Variants in CPS1 observed in about 807,000 individuals in gnomAD.
CPS1 encodes the protein carbamoyl-phosphate synthase 1.
Under a neutral mutation model 174.6 loss-of-function variants are expected in CPS1, and 109 were observed. The observed-to-expected ratio is 0.62, with a 90% CI of 0.53 to 0.73. The LOEUF (loss-of-function observed/expected upper bound fraction) is 0.73, where lower values mean the gene tolerates loss of function less well. Ranked by LOEUF, CPS1 falls within the 30% of genes least tolerant of loss-of-function variation. CPS1 has a pLI of 0.00. For synonymous variants in CPS1, 637 were observed against 632.0 expected (o/e 1.01, Z -0.12); for missense variants, 1,689 against 1,821.9 (o/e 0.93, Z 1.33).
rs1372055855 is a variant in CPS1, at chr2:210,586,177, T to G, written c.622-1881T>G. On this transcript the variant is annotated intron_variant, in intron 6 of 37. Coordinates refer to ENST00000233072, the MANE Select transcript of CPS1 (RefSeq NM_001875.5). ...ACAAGGATTTTGGGTTCCTAGAAAT[T>G]AGTACTGAGTCGTGATGTTCATGTC... Among the ~76,000 whole-genome samples the G allele has an allele frequency of 2.6e-5, 4 of 151,922 alleles. No individual in the cohort carries two copies. The Admixed American group carries it at 2.6e-4, about 10-fold the overall frequency.
At position 210,590,839 on chromosome 2, in the gene CPS1, A is replaced by T. The variant is rs369197253; in HGVS notation, c.880A>T (p.Ser294Cys). The T allele has an allele frequency of 3.1e-6, 5 of 1,611,204 alleles. No homozygotes were observed. The highest frequency in any genetic ancestry group is 2.7e-5 in the African/African-American group (2 of 74,750). ...TCGCAAGGAGCCATTGTTTGGAATCAGTACAGGAAACTTAATAACAGGATT... is the reference window on the plus strand; with the variant it reads ...TCGCAAGGAGCCATTGTTTGGAATCTGTACAGGAAACTTAATAACAGGATT... ...SDRKEPLFGI[S>C]TGNLITGLAA... The change falls in exon 9 of 38, where the codon AGT becomes TGT. Residue 294 changes from serine to cysteine, a missense_variant. Transcript: ENST00000233072.
At chr2:210,676,011 G>A (rs1333148328) in intron 36 of CPS1, among the ~76,000 whole-genome samples, 171 bp downstream of exon 36, 2 of 152,158 alleles carry the variant, frequency 1.3e-5, no homozygotes, top group African/African-American at 2.4e-5. Context: ...AATACATAAC[G>A]TCATGTGTAC....
At chr2:210,630,386 T>C (rs10804186) in intron 21 of CPS1, among the ~76,000 whole-genome samples, 71,356 of 151,990 alleles carry the variant, frequency 0.47, 17,159 homozygotes, top group Middle Eastern at 0.59. Flanking sequence ...AGGTTTCCTT[T>C]TTAATGTTGA....
At chr2:210,517,740 AT>A (rs1314873745) in intron 1 of CPS1, among the ~76,000 whole-genome samples, 2 of 151,850 alleles carry the variant, frequency 1.3e-5, no homozygotes, top group East Asian at 3.9e-4. Flanking sequence ...TAGCTTTTGA[AT>A]TTTTTTCCTA....
chr2:210,563,224 C>G (rs1697162990), intron 1 of CPS1, among the ~76,000 whole-genome samples: 2 of 152,068 alleles, frequency 1.3e-5, no homozygotes, highest in African/African-American at 4.8e-5. Flanking sequence ...TATTTTATTG[C>G]TTACTCAAGG....
At chr2:210,519,635 A>G in intron 1 of CPS1, 2 of 416,296 alleles carry the variant, frequency 4.8e-6, no homozygotes, top group Non-Finnish European at 6.4e-6. Context: ...TGGATTTTGA[A>G]CTTGAATTCC....
At chr2:210,623,600 T>A (rs1699607641) in intron 21 of CPS1, among the ~76,000 whole-genome samples, 1 of 152,106 alleles carries the variant, frequency 6.6e-6, no homozygotes, top group Non-Finnish European at 1.5e-5. Flanking sequence ...TGGTGAAAAA[T>A]CATAGGCGTG....
upstream of CPS1, chr2:210,555,560 A>T: frequency 2.2e-6 from 1 of 450,156 alleles, no homozygotes; most frequent in Non-Finnish European, 4.5e-6. Flanking sequence ...CTTTAAAAAA[A>T]TCCTTACCCC....
At chr2:210,593,777 A>G in intron 11 of CPS1, 1 of 585,268 alleles carries the variant, frequency 1.7e-6, no homozygotes, top group South Asian at 7.5e-5. Flanking sequence ...TCTTGTTTTA[A>G]TATTATTAGG....
intron 25 of CPS1, 35 bp downstream of exon 25, chr2:210,642,700 AAGAC>A: frequency 6.3e-7 from 1 of 1,582,928 alleles, no homozygotes; most frequent in Non-Finnish European, 8.7e-7. Context: ...AAGAAAAAAG[AAGAC>A]AGATATATGT....
chr2:210,641,183 A>G (rs369449676), intron 24 of CPS1, among the ~76,000 whole-genome samples: 25 of 152,176 alleles, frequency 1.6e-4, no homozygotes, highest in Admixed American at 5.2e-4. Flanking sequence ...ATGCAGTGGT[A>G]TGATCATGGC....
At chr2:210,666,118 T>C (rs1161543028) in intron 33 of CPS1, among the ~76,000 whole-genome samples, 2 of 152,066 alleles carry the variant, frequency 1.3e-5, no homozygotes, top group South Asian at 2.1e-4. Context: ...GCTGCATAAA[T>C]GTCTTCTTTT....
At chr2:210,539,151 A>G (rs548606889) in intron 1 of CPS1, among the ~76,000 whole-genome samples, 31 of 152,330 alleles carry the variant, frequency 2.0e-4, no homozygotes, top group African/African-American at 6.0e-4. Flanking sequence ...CCACATATGT[A>G]AAATGGGAAT....
chr2:210,638,124 C>T (rs1700094879), intron 22 of CPS1, among the ~76,000 whole-genome samples: 1 of 152,152 alleles, frequency 6.6e-6, no homozygotes, highest in African/African-American at 2.4e-5. Flanking sequence ...TTAAACTCTC[C>T]TCTGCTTTTT....
chr2:210,531,598 G>A (rs751231650), intron 1 of CPS1, among the ~76,000 whole-genome samples: 11 of 152,102 alleles, frequency 7.2e-5, no homozygotes, highest in Non-Finnish European at 1.6e-4. Context: ...AGAATTTCTG[G>A]TAACTTTGAG....
chr2:210,497,446 AG>A (rs1695018655), intron 1 of CPS1, among the ~76,000 whole-genome samples: 1 of 152,056 alleles, frequency 6.6e-6, no homozygotes, highest in Non-Finnish European at 1.5e-5. Flanking sequence ...TTTGTTACAT[AG>A]GTATATTGTG....
chr2:210,508,170 C>G (rs1319264932), intron 1 of CPS1, among the ~76,000 whole-genome samples: 1 of 149,970 alleles, frequency 6.7e-6, no homozygotes, highest in African/African-American at 2.4e-5. Flanking sequence ...GAAATTATAA[C>G]AAACTGTCTC....
intron 1 of CPS1, among the ~76,000 whole-genome samples, chr2:210,479,557 G>A (rs1694507092): frequency 6.6e-6 from 1 of 152,126 alleles, no homozygotes; most frequent in Admixed American, 6.5e-5. Context: ...TTGAACTCCT[G>A]ACCTCAAGTG....
At chr2:210,508,897 CA>C (rs1445643936) in intron 1 of CPS1, among the ~76,000 whole-genome samples, 4 of 152,086 alleles carry the variant, frequency 2.6e-5, no homozygotes, top group Non-Finnish European at 5.9e-5. Context: ...AATAGCTTAC[CA>C]ACCAAAAAAA....
Sources: allele counts gnomAD v4.1 joint callset (sites outside exome capture counted in the v4.1 genomes callset), GRCh38; gene constraint gnomAD v4.1.1; transcripts MANE v1.5; gene names NCBI Gene and HGNC (gene_info 2026-07-23, HGNC 2026-07-21).